RBM44: variants seen among roughly 807,000 people sequenced by gnomAD.
RBM44 encodes RNA-binding protein 44.
In RBM44, 66 loss-of-function variants were observed where a neutral mutation model predicts 105.1. That is an observed-to-expected ratio of 0.63 (90% confidence interval 0.52 to 0.77). RBM44 has a LOEUF of 0.77. Ranked by LOEUF, RBM44 falls within the 30% of genes least tolerant of loss-of-function variation. RBM44 has a pLI of 0.00. For synonymous variants in RBM44, 365 were observed against 417.6 expected (o/e 0.87, Z 1.54); for missense variants, 1,122 against 1,207.8 (o/e 0.93, Z 1.05).
intron 10 of RBM44, 132 bp downstream of exon 10, chr2:237,824,551 A>C (rs1576511147): frequency 2.8e-6 from 2 of 720,802 alleles, no homozygotes; most frequent in Admixed American, 3.2e-5. Flanking sequence ...TTCTTTATAA[A>C]TAAAAAAAGT....
At chr2:237,815,465 A>G (rs1246821114) in intron 2 of RBM44, among the ~76,000 whole-genome samples, 3 of 152,248 alleles carry the variant, frequency 2.0e-5, no homozygotes, top group South Asian at 2.1e-4. Flanking sequence ...CCATTCAACT[A>G]TAGTACCAAG....
intron 8 of RBM44, among the ~76,000 whole-genome samples, chr2:237,823,040 A>G (rs2061809638): frequency 6.6e-6 from 1 of 151,940 alleles, no homozygotes; most frequent in Non-Finnish European, 1.5e-5. Flanking sequence ...GCTTCTCGTA[A>G]ATAAAATATA....
chr2:237,839,035 G>T (rs547654542), intron 15 of RBM44, among the ~76,000 whole-genome samples: 2 of 152,250 alleles, frequency 1.3e-5, no homozygotes, highest in East Asian at 3.9e-4. Context: ...GTATAGTGAG[G>T]CACTCATCAT....
Position 237,833,999 on chromosome 2 carries a change from T to C in RBM44, c.2889T>C (p.Gly963=). ...AAACTTTTTAAATGCTTATTTAGGG[T>C]GTCAAGAAGAATTGTAAGCAGATTG... ...QDSEVFPSDQ[G]VKKNCKQIES... The change falls in exon 14 of 16, where the codon GGT becomes GGC. Residue 963 remains glycine, a splice_region_variant and synonymous_variant. Transcript: ENST00000316997. 6.6e-7 allele frequency: 1 copy of C among 1,518,334 alleles called. No homozygotes were observed. Among genetic ancestry groups the C allele is most frequent in the Non-Finnish European group, 8.9e-7 (1 of 1,128,316 alleles). The allele number at this position is 1,518,334 out of a possible 1,614,324, so 94.1% of individuals were successfully genotyped here.
Position 237,818,474 on chromosome 2 carries a change from G to A in RBM44, c.1555G>A (p.Ala519Thr). The stretch of plus-strand genomic sequence containing the variant: ...GCAAAATGAGAAACAAAAAAGTGTG[G>A]CTTGTAGTACAGATTGGTCATACAG... ...EWQNEKQKSV[A>T]CSTDWSYSED... Residue 519 changes from alanine (A) to threonine (T), a missense_variant, in exon 3 of 16, where the codon GCT becomes ACT. This residue lies in a region of RBM44 where 918 missense variants were observed against 955.3 expected (regional missense o/e 0.96). Coordinates refer to ENST00000316997, the MANE Select transcript of RBM44 (RefSeq NM_001080504.3). The surrounding 1 kb of genome is among the most constrained non-coding windows in gnomAD (Gnocchi z 4.6). 6.2e-7 allele frequency: 1 copy of A among 1,612,846 alleles called. No homozygotes were observed. Among genetic ancestry groups the A allele is most frequent in the Non-Finnish European group, 8.5e-7 (1 of 1,179,390 alleles).
intron 1 of RBM44, among the ~76,000 whole-genome samples, chr2:237,810,616 G>T (rs1027960203): frequency 1.3e-5 from 2 of 152,214 alleles, no homozygotes; most frequent in African/African-American, 2.4e-5. Flanking sequence ...AGATTTATTT[G>T]CAAGGGCATT....
At chr2:237,839,941 TC>T (rs372669884) in intron 15 of RBM44, among the ~76,000 whole-genome samples, 5 of 152,098 alleles carry the variant, frequency 3.3e-5, no homozygotes, top group African/African-American at 1.2e-4. Flanking sequence ...ACGCCAGTAA[TC>T]CCAACACTTT....
At chr2:237,834,571 A>G in intron 15 of RBM44, 148 bp downstream of exon 15, 1 of 380,348 alleles carries the variant, frequency 2.6e-6, no homozygotes, top group Non-Finnish European at 4.5e-6. Context: ...AGCATACTGT[A>G]ATTAGTTAAC....
chr2:237,811,547 GGCATGA>G (rs1279332299), intron 1 of RBM44, among the ~76,000 whole-genome samples: 7 of 152,088 alleles, frequency 4.6e-5, no homozygotes, highest in Non-Finnish European at 7.3e-5. Context: ...TAGTGTTACA[GGCATGA>G]GCCACCGTGC....
At chr2:237,840,852 A>G (rs905285499) in intron 15 of RBM44, among the ~76,000 whole-genome samples, 26 of 152,234 alleles carry the variant, frequency 1.7e-4, no homozygotes, top group African/African-American at 6.3e-4. Flanking sequence ...GAGAAATGCA[A>G]GTCAAAACCA....
chr2:237,824,180 C>T (rs1261983916), intron 9 of RBM44, 111 bp from the exon 10 acceptor site: 3 of 870,616 alleles, frequency 3.4e-6, no homozygotes, highest in African/African-American at 3.5e-5. Context: ...TAGATTTATA[C>T]ATAAAACTCT....
chr2:237,808,380 G>A (rs2061620661), intron 1 of RBM44, among the ~76,000 whole-genome samples: 1 of 151,768 alleles, frequency 6.6e-6, no homozygotes, highest in African/African-American at 2.4e-5. Context: ...AGCCTGGGAG[G>A]TCAAGACTGC....
rs1576505040 is a variant in RBM44, at chr2:237,817,897, T to G, written c.978T>G (p.Ile326Met). Reference protein sequence around the residue: ...LSPQKVLKMKIYTENMKSQIN... With the variant: ...LSPQKVLKMKMYTENMKSQIN... ...CTCAAAAAGTATTAAAAATGAAAAT[T>G]TATACTGAAAACATGAAATCTCAAA... The change falls in exon 3 of 16, where the codon ATT (isoleucine) becomes ATG (methionine). Residue 326 changes from isoleucine (I) to methionine (M), a missense_variant. Physicochemically the swap from Ile to Met is conservative, Grantham distance 10. Transcript: ENST00000316997. 6.3e-7 allele frequency: 1 copy of G among 1,596,886 alleles called. No individual in the cohort carries two copies. The highest frequency in any genetic ancestry group is 1.1e-5 in the South Asian group (1 of 88,314).
At chr2:237,805,971 C>T (rs1274866728) in intron 1 of RBM44, among the ~76,000 whole-genome samples, 3 of 152,014 alleles carry the variant, frequency 2.0e-5, no homozygotes, top group Non-Finnish European at 4.4e-5. Context: ...CAGAACAAGA[C>T]CCTGTCTCAA....
intron 10 of RBM44, among the ~76,000 whole-genome samples, chr2:237,826,436 T>TG (rs1420467554): frequency 6.6e-6 from 1 of 152,170 alleles, no homozygotes; most frequent in Non-Finnish European, 1.5e-5. Flanking sequence ...ATTTGTAATT[T>TG]GGAAAATCAT....
chr2:237,806,951 ATTG>A (rs1170383937), intron 1 of RBM44, among the ~76,000 whole-genome samples: 1 of 152,146 alleles, frequency 6.6e-6, no homozygotes, highest in African/African-American at 2.4e-5. Flanking sequence ...ATTTTATAAG[ATTG>A]TTATCTTTTT....
chr2:237,830,423 G>A (rs1302178959), intron 13 of RBM44, among the ~76,000 whole-genome samples: 2 of 151,876 alleles, frequency 1.3e-5, no homozygotes, highest in Admixed American at 6.6e-5. Context: ...CCTTAACAGT[G>A]TCTTTCTCAG....
At chr2:237,834,189 A>T in intron 14 of RBM44, 47 bp downstream of exon 14, 1 of 1,529,100 alleles carries the variant, frequency 6.5e-7, no homozygotes, top group Non-Finnish European at 8.8e-7. Context: ...TTCTGTGTAA[A>T]AATATAGTTC....
chr2:237,818,909 G>A lies in RBM44; in HGVS notation c.1686G>A (p.Leu562=). Residue 562 remains leucine, a synonymous_variant, in exon 4 of 16, where the codon CTG becomes CTA. Transcript: ENST00000316997. The surrounding 1 kb of genome is among the most constrained non-coding windows in gnomAD (Gnocchi z 4.6). ...PNGNFLNKDF[L]ELRKACGITD... Reference sequence around the variant, plus strand: ...TTAAATCATATTTTCAGGATTTCCTGGAATTAAGAAAAGCATGTGGTATCA... The same window carrying A: ...TTAAATCATATTTTCAGGATTTCCTAGAATTAAGAAAAGCATGTGGTATCA... 6.8e-7 allele frequency: 1 copy of A among 1,462,848 alleles called. No individual in the cohort carries two copies. 90.6% of individuals were successfully genotyped at this position (1,462,848 alleles called of 1,614,324 possible).
Sources: gnomAD v4.1 joint callset for allele counts (sites outside exome capture counted in the v4.1 genomes callset) on GRCh38, gnomAD v4.1.1 for gene constraint, gnomAD v4.1.1 regional missense constraint, Gnocchi (gnomAD v3.1) non-coding constraint, MANE v1.5 for transcripts, NCBI Gene and HGNC (gene_info 2026-07-23, HGNC 2026-07-21) for gene names.